Variants in ACOXL observed in about 807,000 individuals in gnomAD.
ACOXL encodes the protein acyl-coenzyme A oxidase-like protein.
A neutral mutation model predicts 71.9 loss-of-function variants in ACOXL; 70 were observed. The observed-to-expected ratio is 0.97, with a 90% confidence interval of 0.80 to 1.19. The LOEUF (loss-of-function observed/expected upper bound fraction) is 1.19, where lower values mean the gene tolerates loss of function less well. ACOXL is among the 50% of genes most tolerant of loss of function. The pLI is 0.00. For synonymous variants in ACOXL, 253 were observed against 281.6 expected, an observed-to-expected ratio of 0.90 and a Z score of 1.02; for missense variants, 703 against 736.3, an observed-to-expected ratio of 0.95 and a Z score of 0.52.
intron 12 of ACOXL, among the ~76,000 whole-genome samples, chr2:110,942,990 G>A (rs1379759014): frequency 6.8e-6 from 1 of 146,202 alleles, no homozygotes; most frequent in African/African-American, 2.5e-5. Context: ...TGGGAGGGAG[G>A]GAGGGAGGAA....
At position 110,897,990 on chromosome 2, in the gene ACOXL, TTAGAG is replaced by T. The variant is rs144110172; in HGVS notation, c.789-10796_789-10792del. ...ACTCTGTAAACATAAAATTGAAAACTTAGAGTAAAGAATAAATTCGTTAAAAAACC... is the reference window on the plus strand; with the variant it reads ...ACTCTGTAAACATAAAATTGAAAACTTAAAGAATAAATTCGTTAAAAAACC... On this transcript the variant is annotated intron_variant, in intron 10 of 17. Coordinates refer to ENST00000439055, the MANE Select transcript of ACOXL (RefSeq NM_001142807.4). 4.0e-3 allele frequency among the ~76,000 whole-genome samples: 602 copies of T among 152,128 alleles called. 4 individuals are homozygous for T. The highest frequency in any genetic ancestry group is 0.013 in the African/African-American group (539 of 41,506).
At position 110,841,383 on chromosome 2, in the gene ACOXL, A is replaced by G. The variant is rs756146109; in HGVS notation, c.766A>G (p.Ile256Val). The change falls in exon 10 of 18, where the codon ATA (isoleucine) becomes GTA (valine). Residue 256 changes from isoleucine (I) to valine (V), a missense_variant. Coordinates refer to ENST00000439055, the MANE Select transcript of ACOXL (RefSeq NM_001142807.4). ...AMGAMKLGLT[I>V]AIRYSHSRRQ... The stretch of plus-strand genomic sequence containing the variant: ...TTTTTAATTACAGCTTGGGTTGACG[A>G]TAGCCATTCGCTATAGCCACAGGTA... The G allele has an allele frequency of 7.5e-6, 12 of 1,610,022 alleles. No individual in the cohort carries two copies. The highest frequency in any genetic ancestry group is 2.2e-5 in the South Asian group (2 of 90,614).
chr2:110,916,429 A>G (rs184404207), intron 11 of ACOXL, among the ~76,000 whole-genome samples: 10 of 152,316 alleles, frequency 6.6e-5, no homozygotes, highest in Non-Finnish European at 1.3e-4. Flanking sequence ...GGGGAAATTT[A>G]TAGCACTAAA....
chr2:111,108,503 C>T (rs1404761184), intron 17 of ACOXL, among the ~76,000 whole-genome samples: 2 of 151,328 alleles, frequency 1.3e-5, no homozygotes, highest in Non-Finnish European at 1.5e-5. Context: ...CTCAGCCTCC[C>T]AAGTAGCGAG....
intron 12 of ACOXL, among the ~76,000 whole-genome samples, chr2:110,973,759 T>TG (rs2062320715): frequency 6.6e-6 from 1 of 152,074 alleles, no homozygotes; most frequent in Non-Finnish European, 1.5e-5. Context: ...GAGTCATGCA[T>TG]TTCCATAAAG....
At chr2:111,109,881 G>A (rs1346767844) in intron 17 of ACOXL, among the ~76,000 whole-genome samples, 1 of 151,826 alleles carries the variant, frequency 6.6e-6, no homozygotes, top group Non-Finnish European at 1.5e-5. Flanking sequence ...GTTTCACTAT[G>A]TTGGCCAGGC....
chr2:111,050,901 A>C (rs2149835926), intron 16 of ACOXL, among the ~76,000 whole-genome samples: 1 of 152,300 alleles, frequency 6.6e-6, no homozygotes, highest in South Asian at 2.1e-4. Context: ...CTTCTTGCTG[A>C]CTTTCATGGT....
rs1574445466 is a variant in ACOXL at position 111,001,396 on chromosome 2, A to C, written c.1281+5392A>C. Among the ~76,000 whole-genome samples, 3 of 151,950 alleles carry C rather than the reference A, an allele frequency of 2.0e-5. No individual in the cohort carries two copies. In the East Asian group the frequency reaches 5.8e-4, roughly 29 times the overall value. ...CAGGGAACAAGTGGAGAAAAACAAA[A>C]CAAAACAAAACAAAACAAAAAAACC... On this transcript the variant is annotated intron_variant, in intron 14 of 17. Transcript: ENST00000439055.
chr2:110,775,623 A>C (rs1003084192), intron 2 of ACOXL, among the ~76,000 whole-genome samples: 1 of 152,244 alleles, frequency 6.6e-6, no homozygotes, highest in Non-Finnish European at 1.5e-5. Context: ...ACAAATGGCC[A>C]ATAAACACAT....
intron 9 of ACOXL, among the ~76,000 whole-genome samples, chr2:110,827,762 G>A (rs915087074): frequency 6.6e-6 from 1 of 152,096 alleles, no homozygotes; most frequent in African/African-American, 2.4e-5. Flanking sequence ...GGGTGAGGAT[G>A]AGGGGAGGAG....
At chr2:111,087,875 A>G (rs1347689761) in intron 16 of ACOXL, among the ~76,000 whole-genome samples, 1 of 152,244 alleles carries the variant, frequency 6.6e-6, no homozygotes, top group Non-Finnish European at 1.5e-5. Flanking sequence ...ACAGAATGGG[A>G]GAAAATATTT....
At chr2:111,089,029 G>C (rs1174362629) in intron 16 of ACOXL, among the ~76,000 whole-genome samples, 1 of 152,106 alleles carries the variant, frequency 6.6e-6, no homozygotes, top group Non-Finnish European at 1.5e-5. Context: ...ACCCAGGCAC[G>C]GTGGCTCACG....
chr2:110,855,730 G>A (rs67364818), intron 10 of ACOXL, among the ~76,000 whole-genome samples: 10,158 of 152,224 alleles, frequency 0.067, 452 homozygotes, highest in South Asian at 0.22. Context: ...TGTTGTGTCC[G>A]GAGTTGGTTT....
intron 9 of ACOXL, among the ~76,000 whole-genome samples, chr2:110,811,168 C>T (rs919086241): frequency 6.6e-6 from 1 of 152,170 alleles, no homozygotes; most frequent in Admixed American, 6.5e-5. Flanking sequence ...GAAAACCATT[C>T]GACTACCTGA....
At chr2:110,811,643 G>A (rs1687323291) in intron 9 of ACOXL, among the ~76,000 whole-genome samples, 1 of 151,546 alleles carries the variant, frequency 6.6e-6, no homozygotes, top group Non-Finnish European at 1.5e-5. Context: ...GCCTTTTCAG[G>A]CACGTTGTAT....
At chr2:111,014,606 G>A (rs756616239) in intron 14 of ACOXL, among the ~76,000 whole-genome samples, 1 of 152,178 alleles carries the variant, frequency 6.6e-6, no homozygotes, top group Non-Finnish European at 1.5e-5. Flanking sequence ...AGGAATGTTT[G>A]TAGAAACTCA....
intron 14 of ACOXL, among the ~76,000 whole-genome samples, chr2:111,018,583 C>A (rs560660955): frequency 2.7e-4 from 41 of 152,190 alleles, no homozygotes; most frequent in Non-Finnish European, 1.8e-4. Context: ...ATGGCCTGAT[C>A]ACATGGGAGT....
chr2:110,987,303 T>G, intron 13 of ACOXL, 86 bp downstream of exon 13: 3 of 1,273,492 alleles, frequency 2.4e-6, no homozygotes, highest in Non-Finnish European at 3.3e-6. Flanking sequence ...AACTCACTCT[T>G]GCTTGAAATT....
At chr2:110,794,971 C>G (rs1311713856) in intron 5 of ACOXL, among the ~76,000 whole-genome samples, 1 of 147,410 alleles carries the variant, frequency 6.8e-6, no homozygotes, top group Admixed American at 7.0e-5. Context: ...AAAAAGAAAG[C>G]AACTGTGTAC....
Sources: allele counts gnomAD v4.1 joint callset (sites outside exome capture counted in the v4.1 genomes callset), GRCh38; gene constraint gnomAD v4.1.1; transcripts MANE v1.5; gene names NCBI Gene and HGNC (gene_info 2026-07-23, HGNC 2026-07-21).